KIAA1671: variants seen among roughly 807,000 people sequenced by gnomAD.
KIAA1671 encodes uncharacterized protein KIAA1671.
KIAA1671 carries 52 observed loss-of-function variants against 131.2 expected under a neutral mutation model. That is an observed-to-expected ratio of 0.40 (90% CI 0.32 to 0.50). The LOEUF is 0.50. KIAA1671 is among the 20% of genes least tolerant of loss of function. The pLI is 0.73. For synonymous variants in KIAA1671, 1,003 were observed against 961.6 expected (o/e 1.04, Z -0.80); for missense variants, 2,360 against 2,364.2 (o/e 1.00, Z 0.04).
intron 4 of KIAA1671, among the ~76,000 whole-genome samples, chr22:25,037,843 A>G (rs56171101): frequency 1.3e-5 from 2 of 151,746 alleles, no homozygotes; most frequent in African/African-American, 4.8e-5. Context: ...AATTCCTTTT[A>G]TTTATTTATT....
In KIAA1671 at chr22:25,055,659, A is replaced by G. The variant is rs1443307321; in HGVS notation, c.4530+6295A>G. ...GACTAATGATTTTGAGTATCTGTTCATATGCCAAATGACCAGTTGTATATC... is the reference window on the plus strand; with the variant it reads ...GACTAATGATTTTGAGTATCTGTTCGTATGCCAAATGACCAGTTGTATATC... On this transcript the variant is annotated intron_variant, in intron 6 of 12. Coordinates refer to ENST00000358431, the MANE Select transcript of KIAA1671 (RefSeq NM_001145206.2). The G allele has an allele frequency of 2.0e-5, 3 of 150,152 alleles. 1 individual carries two copies. Among genetic ancestry groups the G allele is most frequent in the East Asian group, 2.0e-4 (1 of 5,116 alleles). 9.3% of individuals were successfully genotyped at this position (150,152 alleles called of 1,614,324 possible).
intron 1 of KIAA1671, among the ~76,000 whole-genome samples, chr22:25,007,446 A>G (rs1360542794): frequency 6.6e-6 from 1 of 151,522 alleles, no homozygotes; most frequent in Non-Finnish European, 1.5e-5. Context: ...AGATCACGCC[A>G]TGGCACTCCA....
intron 6 of KIAA1671, among the ~76,000 whole-genome samples, chr22:25,129,368 A>G (rs1181811223): frequency 1.3e-5 from 2 of 152,086 alleles, no homozygotes; most frequent in African/African-American, 4.8e-5. Context: ...TTAGCTGGGC[A>G]TGGTGTCATG....
chr22:25,093,722 CACACACA>C lies in KIAA1671; in HGVS notation c.4530+44359_4530+44365del, dbSNP rs1930147186. Among the ~76,000 whole-genome samples, 9 of 124,228 alleles carry C rather than the reference CACACACA, an allele frequency of 7.2e-5. 2 individuals carry two copies. The highest frequency in any genetic ancestry group is 3.6e-4 in the African/African-American group (8 of 22,524). The allele number at this position is 124,228 out of a possible 152,430, so 81.5% of individuals were successfully genotyped here. ...ACACACACACACACACACACACACA[CACACACA>C]CACACACACTCTCTCTCTCTCTCTC... is the stretch of plus-strand genomic sequence containing the variant. On this transcript the variant is annotated intron_variant, in intron 6 of 12. Transcript: ENST00000358431.
intron 6 of KIAA1671, among the ~76,000 whole-genome samples, chr22:25,109,817 T>C (rs1457448383): frequency 1.3e-4 from 20 of 152,128 alleles, no homozygotes; most frequent in Non-Finnish European, 2.6e-4. Context: ...ATTAAATGAA[T>C]GAATGAAAGA....
intron 12 of KIAA1671, among the ~76,000 whole-genome samples, chr22:25,191,968 C>T (rs1934684721): frequency 6.6e-6 from 1 of 151,964 alleles, no homozygotes; most frequent in African/African-American, 2.4e-5. Flanking sequence ...TATATATATA[C>T]ATATGTGTAT....
At chr22:25,003,415 T>C in intron 1 of KIAA1671, among the ~76,000 whole-genome samples, 1 of 143,094 alleles carries the variant, frequency 7.0e-6, no homozygotes, top group South Asian at 2.3e-4. Flanking sequence ...TTTTTTTTTT[T>C]TTTTTTTTTT....
chr22:25,141,769 C>T (rs1389431908), intron 6 of KIAA1671, among the ~76,000 whole-genome samples: 1 of 152,160 alleles, frequency 6.6e-6, no homozygotes, highest in Non-Finnish European at 1.5e-5. Flanking sequence ...ACGGGATTTT[C>T]CTTTCCCAGC....
chr22:25,049,112 G>A (rs1927395682), intron 5 of KIAA1671, 118 bp from the exon 6 acceptor site: 4 of 1,238,634 alleles, frequency 3.2e-6, no homozygotes, highest in Non-Finnish European at 4.4e-6. Context: ...GGGATTTCTG[G>A]GGGTTTAATT....
At chr22:24,954,545 C>T (rs1458386331) in intron 1 of KIAA1671, among the ~76,000 whole-genome samples, 1 of 152,146 alleles carries the variant, frequency 6.6e-6, no homozygotes, top group East Asian at 1.9e-4. Context: ...CATCAACCAG[C>T]GTGTATTGAG....
chr22:25,117,395 C>T (rs536821142), intron 6 of KIAA1671, among the ~76,000 whole-genome samples: 81 of 152,198 alleles, frequency 5.3e-4, no homozygotes, highest in African/African-American at 1.9e-3. Flanking sequence ...GTGGGGACTC[C>T]ATCCAGCATG....
At chr22:24,981,084 G>A (rs985158180) in intron 1 of KIAA1671, among the ~76,000 whole-genome samples, 1 of 151,674 alleles carries the variant, frequency 6.6e-6, no homozygotes, top group Non-Finnish European at 1.5e-5. Context: ...GTGTGTGTGT[G>A]TGTGTTTTTA....
chr22:25,003,610 C>T (rs1924588958), intron 1 of KIAA1671, among the ~76,000 whole-genome samples: 1 of 151,776 alleles, frequency 6.6e-6, no homozygotes, highest in Admixed American at 6.6e-5. Context: ...GACGGGGTTT[C>T]ACTGTGTTAG....
chr22:25,055,935 C>T (rs930425464), intron 6 of KIAA1671: 1 of 149,570 alleles, frequency 6.7e-6, no homozygotes, highest in African/African-American at 2.4e-5. Flanking sequence ...TCTCGGCTCA[C>T]TGCAACACCT....
chr22:25,032,044 A>T (rs1269418021), intron 3 of KIAA1671, among the ~76,000 whole-genome samples: 3 of 152,180 alleles, frequency 2.0e-5, no homozygotes, highest in African/African-American at 7.2e-5. Flanking sequence ...TGAGGTGGGG[A>T]AAACGAGGCC....
intron 6 of KIAA1671, among the ~76,000 whole-genome samples, chr22:25,093,768 GTCTCTCTCTCTCTCTCTCTCTCTCTCTC>G (rs71191028): frequency 8.2e-5 from 5 of 60,744 alleles, no homozygotes; most frequent in East Asian, 4.2e-4. Context: ...CTCTCTCTCT[GTCTCTCTCTCTCTCTCTCTCTCTCTCTC>G]TCTCTCTCTC....
chr22:24,968,446 C>T (rs754666462), intron 1 of KIAA1671, among the ~76,000 whole-genome samples: 58 of 152,274 alleles, frequency 3.8e-4, no homozygotes, highest in African/African-American at 4.8e-4. Flanking sequence ...CACCTGGGTC[C>T]GGAGCCATGC....
chr22:25,164,978 C>CGTGTGTGT (rs59765745), intron 6 of KIAA1671, among the ~76,000 whole-genome samples: 5,611 of 116,548 alleles, frequency 0.048, 252 homozygotes, highest in South Asian at 0.064. Context: ...GAGTTGCAGG[C>CGTGTGTGT]GTGTGTGTGT....
intron 1 of KIAA1671, among the ~76,000 whole-genome samples, chr22:24,979,362 T>TTTA (rs1923104037): frequency 6.8e-6 from 1 of 147,746 alleles, no homozygotes; most frequent in Admixed American, 6.7e-5. Flanking sequence ...TTATTTATTT[T>TTTA]TTTTTGAGAC....
Sources: allele counts gnomAD v4.1 joint callset (sites outside exome capture counted in the v4.1 genomes callset), GRCh38; gene constraint gnomAD v4.1.1; transcripts MANE v1.5; gene names NCBI Gene and HGNC (gene_info 2026-07-23, HGNC 2026-07-21).